PAPPA2: variants seen among roughly 807,000 people sequenced by gnomAD.
PAPPA2 encodes the protein pappalysin-2.
PAPPA2 carries 86 observed loss-of-function variants against 176.4 expected under a neutral mutation model. That is an observed-to-expected ratio of 0.49 (90% CI 0.41 to 0.58). PAPPA2 has a LOEUF of 0.58. PAPPA2 is among the 20% of genes least tolerant of loss of function. PAPPA2 has a pLI of 0.00. For missense variants in PAPPA2, 2,073 were observed against 2,256.9 expected (o/e 0.92, Z 1.65); for synonymous variants, 809 against 852.2 (o/e 0.95, Z 0.88).
chr1:176,510,208 A>G (rs1450322035), intron 1 of PAPPA2, among the ~76,000 whole-genome samples: 3 of 152,142 alleles, frequency 2.0e-5, no homozygotes, highest in South Asian at 4.2e-4. Context: ...ATTTGTAAAA[A>G]CTGATAGTAT....
intron 3 of PAPPA2, among the ~76,000 whole-genome samples, chr1:176,654,843 G>T (rs1657938127): frequency 6.6e-6 from 1 of 151,632 alleles, no homozygotes; most frequent in African/African-American, 2.4e-5. Context: ...TTGTCATTGG[G>T]ATTGCCTTCT....
At position 176,498,619 on chromosome 1, in the gene PAPPA2, G is replaced by A. The variant is rs12134989; in HGVS notation, c.-917+35201G>A. ...ACAAAAATTAGCCAGGTGTGGTGGC[G>A]GGCGCCTGTAGTCCCAGCTACTCCA... On this transcript the variant is annotated intron_variant, in intron 1 of 22. Coordinates refer to ENST00000367662, the MANE Select transcript of PAPPA2 (RefSeq NM_020318.3). Among the ~76,000 whole-genome samples the A allele has an allele frequency of 7.1e-3, 1,072 of 151,932 alleles. 9 individuals are homozygous for A. Among genetic ancestry groups the A allele is most frequent in the Non-Finnish European group, 0.011 (781 of 67,940 alleles).
intron 21 of PAPPA2, among the ~76,000 whole-genome samples, chr1:176,820,145 C>CA (rs967127817): frequency 7.3e-5 from 11 of 150,756 alleles, no homozygotes; most frequent in East Asian, 3.9e-4. Context: ...CAAAACAAAA[C>CA]AAAAAAAAAC....
At chr1:176,691,716 A>C (rs964663520) in intron 5 of PAPPA2, among the ~76,000 whole-genome samples, 2 of 152,198 alleles carry the variant, frequency 1.3e-5, no homozygotes, top group Non-Finnish European at 2.9e-5. Flanking sequence ...CCCCTTGAGC[A>C]GCTCCACTGA....
chr1:176,568,684 C>T (rs1477829606), intron 2 of PAPPA2, among the ~76,000 whole-genome samples: 2 of 152,176 alleles, frequency 1.3e-5, no homozygotes, highest in Non-Finnish European at 2.9e-5. Flanking sequence ...CACATCACTG[C>T]CCCTCACTCT....
In PAPPA2 at chr1:176,771,173, G is replaced by C; in HGVS notation, c.4708G>C (p.Val1570Leu). 1 of 1,614,088 alleles carries C rather than the reference G, an allele frequency of 6.2e-7. No homozygotes were observed. The highest frequency in any genetic ancestry group is 8.5e-7 in the Non-Finnish European group (1 of 1,179,936). The change falls in exon 17 of 23, where the codon GTC becomes CTC. Residue 1570 changes from valine (V) to leucine (L), a missense_variant. Transcript: ENST00000367662. Reference sequence around the variant, plus strand: ...TGTGGCAGAAAGTGCAGAGGGTAAAGTCAGGAAGTAAGTTGAATGTTCCTG... The same window carrying C: ...TGTGGCAGAAAGTGCAGAGGGTAAACTCAGGAAGTAAGTTGAATGTTCCTG... ...YYVAESAEGKVRNKLLKIQCL... is the reference protein window; with the variant it reads ...YYVAESAEGKLRNKLLKIQCL...
At chr1:176,692,629 C>T (rs1170226411) in intron 6 of PAPPA2, among the ~76,000 whole-genome samples, 1 of 152,214 alleles carries the variant, frequency 6.6e-6, no homozygotes, top group African/African-American at 2.4e-5. Context: ...TCAGCTGTTC[C>T]TCTGTGGCAT....
At chr1:176,647,426 A>G (rs1657460671) in intron 3 of PAPPA2, among the ~76,000 whole-genome samples, 1 of 151,414 alleles carries the variant, frequency 6.6e-6, no homozygotes, top group South Asian at 2.1e-4. Context: ...ATATGATCTC[A>G]TTTGTCCAGT....
intron 9 of PAPPA2, among the ~76,000 whole-genome samples, chr1:176,703,403 G>T (rs1194014944): frequency 6.6e-6 from 1 of 152,112 alleles, no homozygotes; most frequent in Non-Finnish European, 1.5e-5. Context: ...CCCGGTTTTA[G>T]CACTAAAAAT....
intron 3 of PAPPA2, among the ~76,000 whole-genome samples, chr1:176,631,919 A>T (rs555629417): frequency 1.3e-5 from 2 of 152,292 alleles, no homozygotes; most frequent in East Asian, 3.9e-4. Flanking sequence ...AAGTGATGGG[A>T]TCTATTGCAC....
chr1:176,536,120 A>G (rs1021927638), intron 1 of PAPPA2, among the ~76,000 whole-genome samples: 2 of 152,228 alleles, frequency 1.3e-5, no homozygotes, highest in Admixed American at 6.5e-5. Context: ...TCACAAAAAA[A>G]TAATAGCATC....
chr1:176,537,719 A>AGT (rs57602344), intron 1 of PAPPA2, among the ~76,000 whole-genome samples: 17,850 of 143,774 alleles, frequency 0.12, 1,245 homozygotes, highest in South Asian at 0.2. Flanking sequence ...GTAGGTATGG[A>AGT]GTGTGTGTGT....
chr1:176,510,910 AAAAC>A (rs1382977915), intron 1 of PAPPA2, among the ~76,000 whole-genome samples: 1 of 151,914 alleles, frequency 6.6e-6, no homozygotes, highest in Non-Finnish European at 1.5e-5. Context: ...CCCAATTATA[AAAAC>A]ATTTAATTTA....
chr1:176,523,207 G>T (rs1205410977), intron 1 of PAPPA2, among the ~76,000 whole-genome samples: 3 of 152,102 alleles, frequency 2.0e-5, no homozygotes. Flanking sequence ...GTCTGCACAT[G>T]TCTGAGGTAT....
intron 21 of PAPPA2, among the ~76,000 whole-genome samples, chr1:176,839,407 T>C (rs577678748): frequency 2.0e-5 from 3 of 152,356 alleles, no homozygotes; most frequent in South Asian, 4.1e-4. Flanking sequence ...TTTCCCATTT[T>C]AGTTCGTGCT....
intron 17 of PAPPA2, among the ~76,000 whole-genome samples, chr1:176,779,756 G>A (rs1369996964): frequency 6.6e-6 from 1 of 152,148 alleles, no homozygotes. Context: ...TAAAGTTAGA[G>A]ATTTATTAAG....
intron 11 of PAPPA2, 53 bp from the exon 12 acceptor site, chr1:176,711,782 A>G (rs764368636): frequency 1.8e-4 from 284 of 1,545,544 alleles, no homozygotes; most frequent in Non-Finnish European, 2.4e-4. Flanking sequence ...CATTGTCCTT[A>G]CTTATATCTT....
chr1:176,800,028 T>G, intron 20 of PAPPA2, 33 bp from the exon 21 acceptor site: 2 of 1,612,700 alleles, frequency 1.2e-6, no homozygotes, highest in Non-Finnish European at 1.7e-6. Context: ...TGTCTTTAAT[T>G]TTGTTTTCTG....
At chr1:176,536,700 A>C (rs946494215) in intron 1 of PAPPA2, among the ~76,000 whole-genome samples, 1 of 152,218 alleles carries the variant, frequency 6.6e-6, no homozygotes, top group Non-Finnish European at 1.5e-5. Context: ...AAGAGAAAGC[A>C]TGCCCAATCT....
Sources: allele counts gnomAD v4.1 joint callset (sites outside exome capture counted in the v4.1 genomes callset), GRCh38; gene constraint gnomAD v4.1.1; transcripts MANE v1.5; gene names NCBI Gene and HGNC (gene_info 2026-07-23, HGNC 2026-07-21).